MKLN1: variants seen among roughly 807,000 people sequenced by gnomAD.
MKLN1 encodes the protein muskelin 1.
MKLN1 carries 18 observed loss-of-function variants against 99.0 expected under a neutral mutation model. That is an observed-to-expected ratio of 0.18 (90% CI 0.13 to 0.27). MKLN1 has a LOEUF of 0.27. MKLN1 is among the 10% of genes least tolerant of loss of function. MKLN1 has a pLI of 1.00. For synonymous variants in MKLN1, 288 were observed against 293.2 expected (o/e 0.98, Z 0.18); for missense variants, 621 against 875.9 (o/e 0.71, Z 3.67).
intron 1 of MKLN1, among the ~76,000 whole-genome samples, chr7:131,330,086 C>T (rs1396907134): frequency 1.3e-5 from 2 of 152,110 alleles, no homozygotes; most frequent in South Asian, 2.1e-4. Context: ...TGGTGTGTGC[C>T]ATGCCTAAAT....
At chr7:131,350,315 C>G (rs1267103118) in intron 1 of MKLN1, among the ~76,000 whole-genome samples, 2 of 151,924 alleles carry the variant, frequency 1.3e-5, no homozygotes, top group Non-Finnish European at 2.9e-5. Context: ...TCACCTCAGC[C>G]TCCCAGAGTT....
intron 3 of MKLN1, among the ~76,000 whole-genome samples, chr7:131,272,788 A>C (rs1797906401): frequency 6.6e-6 from 1 of 152,126 alleles, no homozygotes; most frequent in Non-Finnish European, 1.5e-5. Context: ...ATCTTGTGAG[A>C]CTTATTCACT....
intron 12 of MKLN1, among the ~76,000 whole-genome samples, chr7:131,460,924 T>TA (rs1197023653): frequency 1.3e-5 from 2 of 152,250 alleles, no homozygotes; most frequent in Non-Finnish European, 2.9e-5. Flanking sequence ...TTACTGTTTT[T>TA]ATCTTCCAAA....
In MKLN1 at chr7:131,160,265, G is replaced by C. The variant is rs113394902; in HGVS notation, c.-297+17324G>C. ...CAGTCCTTCATTCCTTGTTGTGGCT[G>C]AAAAAGATTCCATTGTATGAATATA... On this transcript the variant is annotated intron_variant, in intron 2 of 7. Coordinates refer to the MKLN1 transcript ENST00000416992. Among the ~76,000 whole-genome samples, 1,264 of 152,108 alleles carry C rather than the reference G, an allele frequency of 8.3e-3. 20 individuals carry two copies. Among genetic ancestry groups the C allele is most frequent in the African/African-American group, 0.029 (1,197 of 41,502 alleles).
At chr7:131,329,991 A>G (rs147738702) in intron 1 of MKLN1, among the ~76,000 whole-genome samples, 166 of 152,384 alleles carry the variant, frequency 1.1e-3, no homozygotes, top group African/African-American at 3.9e-3. Flanking sequence ...GTAAAGTATT[A>G]GAAGAGTAAT....
intron 1 of MKLN1, among the ~76,000 whole-genome samples, chr7:131,138,156 C>T (rs1208744584): frequency 6.6e-6 from 1 of 151,612 alleles, no homozygotes; most frequent in Non-Finnish European, 1.5e-5. Flanking sequence ...AACTCCAAAC[C>T]TCGGGTGATC....
intron 1 of MKLN1, among the ~76,000 whole-genome samples, chr7:131,123,869 A>G (rs966438879): frequency 1.3e-5 from 2 of 152,152 alleles, no homozygotes; most frequent in African/African-American, 4.8e-5. Context: ...ATAATTCATA[A>G]GTAGGTAGGT....
intron 3 of MKLN1, among the ~76,000 whole-genome samples, chr7:131,265,568 T>A (rs573439403): frequency 1.3e-5 from 2 of 152,268 alleles, no homozygotes; most frequent in South Asian, 4.1e-4. Flanking sequence ...CAGGGTTTGT[T>A]ACTGAACACT....
intron 17 of MKLN1, among the ~76,000 whole-genome samples, chr7:131,486,051 GT>G (rs1050378003): frequency 6.6e-6 from 1 of 151,828 alleles, no homozygotes; most frequent in African/African-American, 2.4e-5. Flanking sequence ...CTCCCAAATA[GT>G]TCTGCAAAAA....
intron 3 of MKLN1, chr7:131,310,450 A>G (rs908410540): frequency 6.6e-6 from 1 of 152,208 alleles, no homozygotes; most frequent in African/African-American, 2.4e-5. Flanking sequence ...CCAGTCATTG[A>G]TTTATAGCTG....
chr7:131,247,235 C>CTTTTTTTCT (rs1554542029), intron 3 of MKLN1, among the ~76,000 whole-genome samples: 51 of 141,174 alleles, frequency 3.6e-4, no homozygotes, highest in Non-Finnish European at 6.1e-4. Context: ...TTTCTTTTTT[C>CTTTTTTTCT]TTTTTTTTTT....
chr7:131,442,214 C>A (rs573618428), intron 10 of MKLN1, among the ~76,000 whole-genome samples: 1 of 152,128 alleles, frequency 6.6e-6, no homozygotes, highest in Non-Finnish European at 1.5e-5. Flanking sequence ...ATGTTAGAAT[C>A]TTTTTAATAA....
intron 12 of MKLN1, 152 bp from the exon 13 acceptor site, chr7:131,463,065 T>A (rs1367181430): frequency 3.3e-6 from 2 of 599,756 alleles, no homozygotes; most frequent in Non-Finnish European, 5.6e-6. Context: ...TAGGCTGCAG[T>A]GAGTCATGGT....
intron 1 of MKLN1, among the ~76,000 whole-genome samples, chr7:131,375,018 G>T (rs1188806669): frequency 6.0e-5 from 9 of 150,004 alleles, no homozygotes; most frequent in Non-Finnish European, 1.3e-4. Flanking sequence ...ATCCATCATA[G>T]CACACTGTGG....
chr7:131,473,839 A>G (rs983047078), intron 16 of MKLN1, among the ~76,000 whole-genome samples: 3 of 152,214 alleles, frequency 2.0e-5, no homozygotes, highest in South Asian at 2.1e-4. Flanking sequence ...AGCAAATTAT[A>G]TAGTACATTA....
intron 3 of MKLN1, among the ~76,000 whole-genome samples, chr7:131,239,175 C>T (rs917032758): frequency 6.6e-6 from 1 of 152,014 alleles, no homozygotes; most frequent in African/African-American, 2.4e-5. Context: ...CTTTTTATTT[C>T]ATTTATTTAT....
chr7:131,180,635 G>A (rs943274388), intron 2 of MKLN1, among the ~76,000 whole-genome samples: 2 of 151,174 alleles, frequency 1.3e-5, no homozygotes, highest in African/African-American at 4.9e-5. Flanking sequence ...AGAGGTGGAG[G>A]TTGCAGTGAG....
chr7:131,309,215 G>A (rs573983410), intron 3 of MKLN1, among the ~76,000 whole-genome samples: 43 of 152,256 alleles, frequency 2.8e-4, no homozygotes, highest in Admixed American at 2.6e-3. Flanking sequence ...TAACTACTAG[G>A]AGCCTCCTGC....
chr7:131,382,112 C>A (rs1326420041), intron 2 of MKLN1, among the ~76,000 whole-genome samples: 1 of 152,188 alleles, frequency 6.6e-6, no homozygotes, highest in Non-Finnish European at 1.5e-5. Context: ...TGCCTGTAAT[C>A]CCAGCACTTT....
Sources: allele counts gnomAD v4.1 joint callset (sites outside exome capture counted in the v4.1 genomes callset), GRCh38; gene constraint gnomAD v4.1.1; transcripts MANE v1.5; gene names NCBI Gene and HGNC (gene_info 2026-07-23, HGNC 2026-07-21).